The following MBD5 variants were observed in gnomAD, a reference collection of about 807,000 sequenced individuals.
MBD5 encodes methyl-CpG binding domain protein 5, also known as methyl-CpG-binding domain protein 5.
MBD5 carries 13 observed loss-of-function variants against 117.3 expected under a neutral mutation model. That is an observed-to-expected ratio of 0.11 (90% CI 0.07 to 0.18). The LOEUF (loss-of-function observed/expected upper bound fraction) is 0.18. MBD5 is among the 10% of genes least tolerant of loss of function. MBD5 has a pLI of 1.00. For synonymous variants in MBD5, 727 were observed against 766.4 expected, an observed-to-expected ratio of 0.95 and a Z score of 0.85; for missense variants, 1,879 against 2,093.8, an observed-to-expected ratio of 0.90 and a Z score of 2.00.
chr2:148,104,400 G>A (rs924970903), intron 1 of MBD5, among the ~76,000 whole-genome samples: 2 of 152,096 alleles, frequency 1.3e-5, no homozygotes, highest in Non-Finnish European at 2.9e-5. Flanking sequence ...GCCTGAATTT[G>A]TTACCCATGA....
intron 1 of MBD5, among the ~76,000 whole-genome samples, chr2:148,074,484 GTTTTTTTTTT>G (rs1695442183): frequency 3.2e-5 from 4 of 123,154 alleles, no homozygotes; most frequent in East Asian, 2.3e-4. Flanking sequence ...GGAATAGTTT[GTTTTTTTTTT>G]GTTTTTTTTT....
In MBD5 at chr2:148,205,127, A is replaced by G. The variant is rs897582550; in HGVS notation, c.-831+26334A>G. On this transcript the variant is annotated intron_variant, in intron 2 of 13. Coordinates refer to ENST00000642680, the MANE Select transcript of MBD5 (RefSeq NM_001378120.1). ...AGTCTCTCTCTGTTGCCCTGGCTAG[A>G]GTGCAGTGGCGTAATCTCGGCTCAC... is the stretch of plus-strand genomic sequence containing the variant. Among the ~76,000 whole-genome samples the G allele has an allele frequency of 2.0e-5, 3 of 151,922 alleles. No individual in the cohort carries two copies. In the East Asian group the frequency reaches 5.8e-4, roughly 29 times the overall value.
intron 2 of MBD5, among the ~76,000 whole-genome samples, chr2:148,213,714 A>G (rs1002573128): frequency 6.6e-6 from 1 of 152,194 alleles, no homozygotes; most frequent in Admixed American, 6.5e-5. Context: ...CTTTTAACGT[A>G]TTTGAGACTT....
At chr2:148,194,787 A>C (rs1163626204) in intron 2 of MBD5, among the ~76,000 whole-genome samples, 1 of 151,872 alleles carries the variant, frequency 6.6e-6, no homozygotes, top group African/African-American at 2.4e-5. Context: ...TTAAAAAAAA[A>C]AAAAATGAAA....
chr2:148,053,290 CTG>C (rs1310967801), intron 1 of MBD5, among the ~76,000 whole-genome samples: 1 of 152,078 alleles, frequency 6.6e-6, no homozygotes, highest in African/African-American at 2.4e-5. Flanking sequence ...TTCATGACAG[CTG>C]TGTCTCAGTA....
chr2:148,404,947 G>T (rs1203800155), intron 4 of MBD5, among the ~76,000 whole-genome samples: 3 of 151,972 alleles, frequency 2.0e-5, no homozygotes, highest in Non-Finnish European at 4.4e-5. Context: ...CCAAGTAAAA[G>T]TCTTTTCCAT....
intron 4 of MBD5, among the ~76,000 whole-genome samples, chr2:148,443,045 A>G (rs1706375848): frequency 6.6e-6 from 1 of 151,476 alleles, no homozygotes; most frequent in African/African-American, 2.5e-5. Flanking sequence ...ACAGCTCTAT[A>G]GGAAAAAAAT....
intron 3 of MBD5, among the ~76,000 whole-genome samples, chr2:148,324,350 G>A (rs932455745): frequency 1.3e-5 from 2 of 152,152 alleles, no homozygotes; most frequent in Non-Finnish European, 2.9e-5. Context: ...GAACTTTAAA[G>A]TAGTTTTTTC....
At chr2:148,074,454 C>T (rs371974766) in intron 1 of MBD5, among the ~76,000 whole-genome samples, 2 of 149,374 alleles carry the variant, frequency 1.3e-5, no homozygotes, top group African/African-American at 2.5e-5. Context: ...TGGATATAAC[C>T]GGAAACTAGT....
chr2:148,493,604 A>G (rs1426045388), intron 11 of MBD5, among the ~76,000 whole-genome samples: 2 of 152,210 alleles, frequency 1.3e-5, no homozygotes, highest in East Asian at 3.8e-4. Flanking sequence ...AGCACTGATA[A>G]TTGCCAAGGG....
intron 8 of MBD5, among the ~76,000 whole-genome samples, chr2:148,482,759 G>A (rs763211356): frequency 6.6e-6 from 1 of 152,018 alleles, no homozygotes; most frequent in East Asian, 1.9e-4. Context: ...AATGAAGAAC[G>A]TGGATTCTCC....
At chr2:148,346,164 G>A (rs1374085238) in intron 4 of MBD5, 1 of 151,454 alleles carries the variant, frequency 6.6e-6, no homozygotes, top group Admixed American at 6.6e-5. Context: ...AACTAAAACT[G>A]CTCTGAAAAA....
chr2:148,297,378 G>A (rs914133564), intron 3 of MBD5, among the ~76,000 whole-genome samples: 2 of 152,094 alleles, frequency 1.3e-5, no homozygotes, highest in African/African-American at 2.4e-5. Flanking sequence ...TTCAGAGCAC[G>A]CAGCCTTTCC....
intron 1 of MBD5, among the ~76,000 whole-genome samples, chr2:148,143,042 C>G (rs892628978): frequency 1.3e-5 from 2 of 152,050 alleles, no homozygotes; most frequent in South Asian, 2.1e-4. Flanking sequence ...GGCAATTATA[C>G]GGATGCAAAA....
intron 3 of MBD5, among the ~76,000 whole-genome samples, chr2:148,306,245 G>T (rs76316654): frequency 0.019 from 2,823 of 152,228 alleles, 33 homozygotes; most frequent in Middle Eastern, 0.041. Flanking sequence ...GTATTCAATT[G>T]TAAGAACGGG....
At chr2:148,264,571 A>C (rs901141579) in intron 3 of MBD5, 1 of 152,188 alleles carries the variant, frequency 6.6e-6, no homozygotes, top group African/African-American at 2.4e-5. Context: ...CAGAATTCTT[A>C]GTTTTAAACA....
intron 4 of MBD5, among the ~76,000 whole-genome samples, chr2:148,424,778 A>G (rs1377553700): frequency 1.3e-5 from 2 of 152,234 alleles, no homozygotes; most frequent in Non-Finnish European, 2.9e-5. Flanking sequence ...CTGCTCCTGA[A>G]TGAATACTGG....
chr2:148,324,445 A>C (rs906117678), intron 3 of MBD5, among the ~76,000 whole-genome samples: 4 of 152,238 alleles, frequency 2.6e-5, no homozygotes, highest in African/African-American at 9.6e-5. Context: ...CCATTTTCAC[A>C]ATATTTATTC....
At chr2:148,268,730 G>T (rs1291637315) in intron 3 of MBD5, among the ~76,000 whole-genome samples, 1 of 151,486 alleles carries the variant, frequency 6.6e-6, no homozygotes, top group Non-Finnish European at 1.5e-5. Flanking sequence ...GTCATTTATA[G>T]TGATAGTCAT....
Sources: allele counts gnomAD v4.1 joint callset (sites outside exome capture counted in the v4.1 genomes callset), GRCh38; gene constraint gnomAD v4.1.1; transcripts MANE v1.5; gene names NCBI Gene and HGNC (gene_info 2026-07-23, HGNC 2026-07-21).